Variants in TRAF3IP1 observed in about 807,000 individuals in gnomAD.
TRAF3IP1 encodes the protein TRAF3-interacting protein 1.
In TRAF3IP1, 53 loss-of-function variants were observed where a neutral mutation model predicts 89.9. The ratio of observed to expected loss-of-function variants is 0.59; its 90% CI spans 0.47 to 0.74. The LOEUF is 0.74. TRAF3IP1 is among the 30% of genes least tolerant of loss of function. TRAF3IP1 has a pLI of 0.00. For synonymous variants in TRAF3IP1, 311 were observed against 322.1 expected (o/e 0.97, Z 0.37); for missense variants, 806 against 866.1 (o/e 0.93, Z 0.87).
chr2:238,347,430 ATT>A (rs1559368188), intron 9 of TRAF3IP1, 23 bp from the exon 10 acceptor site: 1 of 1,613,896 alleles, frequency 6.2e-7, no homozygotes, highest in South Asian at 1.1e-5. Context: ...ACGAAAGCTA[ATT>A]TTCTGATGTG....
intron 8 of TRAF3IP1, among the ~76,000 whole-genome samples, chr2:238,339,091 A>G (rs1365254413): frequency 6.6e-6 from 1 of 152,152 alleles, no homozygotes; most frequent in African/African-American, 2.4e-5. Context: ...TGCTGGGCCC[A>G]ACTTGCCTTG....
intron 5 of TRAF3IP1, among the ~76,000 whole-genome samples, chr2:238,330,307 G>A (rs1698057600): frequency 6.6e-6 from 1 of 152,138 alleles, no homozygotes; most frequent in Non-Finnish European, 1.5e-5. Context: ...GTAAATTTAG[G>A]GTTTGCCAGG....
intron 15 of TRAF3IP1, among the ~76,000 whole-genome samples, chr2:238,363,788 C>T (rs1025672903): frequency 6.6e-6 from 1 of 152,060 alleles, no homozygotes; most frequent in African/African-American, 2.4e-5. Context: ...AGTAAAACCC[C>T]GTCTCTACTA....
intron 3 of TRAF3IP1, 148 bp from the exon 4 acceptor site, chr2:238,328,538 A>G (rs1428312857): frequency 3.0e-6 from 3 of 1,008,962 alleles, no homozygotes; most frequent in Non-Finnish European, 4.3e-6. Flanking sequence ...TGTGATAATA[A>G]CATGTTCAAA....
Position 238,329,189 on chromosome 2 carries a change from G to T in TRAF3IP1, c.762G>T (p.Glu254Asp), listed in dbSNP as rs150462938. 3.3e-5 allele frequency: 52 copies of T among 1,564,050 alleles called. No homozygotes were observed. In the African/African-American group the frequency reaches 5.4e-4, roughly 16 times the overall value. Reference protein sequence around the residue: ...ERKKETERKSEGGKEKERLRD... With the variant: ...ERKKETERKSDGGKEKERLRD... ...AGAAGGAGACAGAGAGAAAGAGTGAGGGGGGGAAAGAGAAGGAGAGACTGA... is the reference window on the plus strand; with the variant it reads ...AGAAGGAGACAGAGAGAAAGAGTGATGGGGGGAAAGAGAAGGAGAGACTGA... The change falls in exon 5 of 17, where the codon GAG becomes GAT. Residue 254 changes from glutamate to aspartate, a missense_variant. By Grantham distance (45) the Glu-to-Asp change is conservative. This residue lies in a region of TRAF3IP1 where 732 missense variants were observed against 780.5 expected (regional missense o/e 0.94). Transcript: ENST00000373327.
At chr2:238,390,746 ATAT>A (rs1318568502) in intron 15 of TRAF3IP1, among the ~76,000 whole-genome samples, 11 of 152,116 alleles carry the variant, frequency 7.2e-5, no homozygotes. Flanking sequence ...TGAAGGATAA[ATAT>A]TATTATTTCC....
At chr2:238,395,208 G>A (rs1370315963) in intron 15 of TRAF3IP1, among the ~76,000 whole-genome samples, 1 of 152,072 alleles carries the variant, frequency 6.6e-6, no homozygotes, top group Non-Finnish European at 1.5e-5. Context: ...TGTAAAGAAA[G>A]AGAGAGAGAA....
At chr2:238,344,208 A>G (rs947022513) in intron 8 of TRAF3IP1, among the ~76,000 whole-genome samples, 15 of 152,094 alleles carry the variant, frequency 9.9e-5, no homozygotes, top group African/African-American at 3.1e-4. Context: ...AGTGTCAGGT[A>G]GCTCCAGAAA....
chr2:238,348,717 A>T (rs1192904175), intron 10 of TRAF3IP1, 47 bp from the exon 11 acceptor site: 2 of 1,476,330 alleles, frequency 1.4e-6, no homozygotes, highest in Non-Finnish European at 1.9e-6. Context: ...ATAGTTATCT[A>T]TGTGTGTTTT....
intron 15 of TRAF3IP1, among the ~76,000 whole-genome samples, chr2:238,396,920 C>T (rs1465448370): frequency 6.6e-6 from 1 of 152,162 alleles, no homozygotes; most frequent in Non-Finnish European, 1.5e-5. Context: ...GGCTGCCCTG[C>T]ACATTCTCCA....
chr2:238,389,519 G>A (rs1222607602), intron 15 of TRAF3IP1, among the ~76,000 whole-genome samples: 3 of 152,040 alleles, frequency 2.0e-5, no homozygotes, highest in Non-Finnish European at 2.9e-5. Flanking sequence ...AGGCCAAGGT[G>A]GGTAGATCAC....
intron 5 of TRAF3IP1, among the ~76,000 whole-genome samples, chr2:238,331,846 G>A (rs963121780): frequency 1.3e-5 from 2 of 152,230 alleles, no homozygotes. Flanking sequence ...AGAGACTCAA[G>A]TTCTAACCCC....
intron 12 of TRAF3IP1, among the ~76,000 whole-genome samples, chr2:238,350,727 A>T (rs548528298): frequency 6.6e-6 from 1 of 152,324 alleles, no homozygotes; most frequent in Admixed American, 6.5e-5. Flanking sequence ...GCCGTGGCTG[A>T]CAGCTGACTT....
At chr2:238,332,410 T>C (rs1559358240) in intron 5 of TRAF3IP1, among the ~76,000 whole-genome samples, 1 of 152,208 alleles carries the variant, frequency 6.6e-6, no homozygotes, top group African/African-American at 2.4e-5. Context: ...AGTTAGCCTG[T>C]GATCAGCAGA....
rs984559122 is a variant in TRAF3IP1, at chr2:238,351,862, TGTGTGCGCGCGCGCGC to T, written c.1452-957_1452-942del. On this transcript the variant is annotated intron_variant, in intron 12 of 16. Coordinates refer to ENST00000373327, the MANE Select transcript of TRAF3IP1 (RefSeq NM_015650.4). This position sits in a 1 kb window ranked among gnomAD's most constrained non-coding sequence, Gnocchi z 5.2. ...GTGTGTGTGTGTGTGTGTGTGTGTG[TGTGTGCGCGCGCGCGC>T]GTGTGCGTGCATGTGCTTGTGTGTA... Among the ~76,000 whole-genome samples the T allele has an allele frequency of 6.3e-5, 6 of 95,436 alleles. No homozygotes were observed. Among genetic ancestry groups the T allele is most frequent in the Non-Finnish European group, 9.9e-5 (5 of 50,730 alleles). 62.6% of individuals were successfully genotyped at this position (95,436 alleles called of 152,430 possible). A position where few individuals can be genotyped will look rare whatever the true frequency, so the allele number is the denominator to read the frequency against.
At chr2:238,353,903 A>G (rs567321107) in intron 14 of TRAF3IP1, among the ~76,000 whole-genome samples, 1 of 152,154 alleles carries the variant, frequency 6.6e-6, no homozygotes, top group African/African-American at 2.4e-5. Context: ...CCTCACAAGT[A>G]GCTGGGACTA....
chr2:238,322,564 T>A (rs569234382), intron 1 of TRAF3IP1, among the ~76,000 whole-genome samples: 1 of 152,078 alleles, frequency 6.6e-6, no homozygotes, highest in South Asian at 2.1e-4. Context: ...GTGGTGCACC[T>A]GTAATCCCAG....
intron 15 of TRAF3IP1, among the ~76,000 whole-genome samples, chr2:238,387,266 T>C (rs572041743): frequency 1.3e-5 from 2 of 152,188 alleles, no homozygotes; most frequent in African/African-American, 2.4e-5. Context: ...CATGTGTAAG[T>C]AGATGTAAGT....
chr2:238,339,486 G>A (rs1001498442), intron 8 of TRAF3IP1, among the ~76,000 whole-genome samples: 8 of 152,228 alleles, frequency 5.3e-5, no homozygotes, highest in African/African-American at 1.9e-4. Flanking sequence ...CTGCAATCCT[G>A]CACTGCAGGA....
Sources: gnomAD v4.1 joint callset for allele counts (sites outside exome capture counted in the v4.1 genomes callset) on GRCh38, gnomAD v4.1.1 for gene constraint, gnomAD v4.1.1 regional missense constraint, Gnocchi (gnomAD v3.1) non-coding constraint, MANE v1.5 for transcripts, NCBI Gene and HGNC (gene_info 2026-07-23, HGNC 2026-07-21) for gene names.